The following DGLUCY variants were observed in gnomAD, a reference collection of about 807,000 sequenced individuals.
DGLUCY encodes D-glutamate cyclase.
Under a neutral mutation model 58.5 loss-of-function variants are expected in DGLUCY, and 58 were observed. That is an observed-to-expected ratio of 0.99 (90% CI 0.80 to 1.23). The LOEUF is 1.23. Among genes scored for constraint, DGLUCY ranks in the 50% most tolerant of loss-of-function variants. The probability of loss-of-function intolerance (pLI) is 0.00; values close to 1 mark genes in which losing one functional copy is unlikely to be tolerated. For missense variants in DGLUCY, 779 were observed against 784.7 expected (o/e 0.99, Z 0.09); for synonymous variants, 325 against 314.1 (o/e 1.03, Z -0.37).
intron 1 of DGLUCY, among the ~76,000 whole-genome samples, chr14:91,102,631 G>A (rs2044507118): frequency 6.6e-6 from 1 of 152,102 alleles, no homozygotes; most frequent in African/African-American, 2.4e-5. Context: ...GGGTAAAATA[G>A]GGGCTCACAG....
intron 12 of DGLUCY, among the ~76,000 whole-genome samples, chr14:91,207,051 G>T (rs536158703): frequency 4.0e-5 from 6 of 150,390 alleles, no homozygotes; most frequent in South Asian, 2.1e-4. Context: ...CTGGCTACGT[G>T]GGGGGGCTGA....
At position 91,157,119 on chromosome 14, in the gene DGLUCY, G is replaced by GCGGA. The variant is rs1393896750; in HGVS notation, c.-81-520_-81-519insCGGA. Among the ~76,000 whole-genome samples the GCGGA allele has an allele frequency of 6.1e-5, 8 of 131,164 alleles. No individual in the cohort carries two copies. In the South Asian group the frequency reaches 2.1e-3, roughly 35 times the overall value. The allele number at this position is 131,164 out of a possible 152,430, so 86.0% of individuals were successfully genotyped here. ...AATGGGTGGATGGATGGATGGATGG[G>GCGGA]TGGATGGATGGATGGATGGATGGAT... On this transcript the variant is annotated intron_variant, in intron 1 of 13. Coordinates refer to ENST00000256324, the MANE Select transcript of DGLUCY (RefSeq NM_001102368.3).
intron 1 of DGLUCY, chr14:91,126,411 T>C (rs2045685600): frequency 4.9e-6 from 1 of 203,492 alleles, no homozygotes; most frequent in Non-Finnish European, 1.1e-5. Flanking sequence ...TGCCTTCTTA[T>C]AATTACATGT....
intron 8 of DGLUCY, among the ~76,000 whole-genome samples, chr14:91,184,356 C>T (rs1426857170): frequency 6.6e-6 from 1 of 151,278 alleles, no homozygotes; most frequent in Non-Finnish European, 1.5e-5. Context: ...CCAGCCTGGC[C>T]AATGTAGAGA....
chr14:91,085,742 T>C (rs1029736284), intron 1 of DGLUCY, among the ~76,000 whole-genome samples: 2 of 152,044 alleles, frequency 1.3e-5, no homozygotes, highest in African/African-American at 2.4e-5. Context: ...GCTAATTTTG[T>C]ATTTTTAGTA....
At chr14:91,131,474 T>G (rs1299432704) in intron 1 of DGLUCY, among the ~76,000 whole-genome samples, 26 of 152,166 alleles carry the variant, frequency 1.7e-4, no homozygotes, top group Non-Finnish European at 4.4e-5. Flanking sequence ...AACGTCTTTT[T>G]TTTTTCTTAT....
intron 8 of DGLUCY, among the ~76,000 whole-genome samples, chr14:91,183,435 G>A (rs1469091405): frequency 1.3e-5 from 2 of 152,210 alleles, no homozygotes; most frequent in South Asian, 2.1e-4. Flanking sequence ...ATTGTGTGTG[G>A]TAAATCCCTT....
chr14:91,161,427 C>T (rs1214373782), intron 3 of DGLUCY, among the ~76,000 whole-genome samples: 4 of 152,178 alleles, frequency 2.6e-5, no homozygotes, highest in African/African-American at 9.7e-5. Flanking sequence ...ATTCTGCAAT[C>T]AAGGTTGGTC....
At chr14:91,143,529 C>G (rs1279229247) in intron 1 of DGLUCY, among the ~76,000 whole-genome samples, 1 of 152,176 alleles carries the variant, frequency 6.6e-6, no homozygotes, top group Non-Finnish European at 1.5e-5. Flanking sequence ...GGCCTGGTCT[C>G]CAACCGTTTC....
At chr14:91,066,653 T>C (rs961923408) in intron 1 of DGLUCY, among the ~76,000 whole-genome samples, 2 of 152,072 alleles carry the variant, frequency 1.3e-5, no homozygotes, top group African/African-American at 4.8e-5. Flanking sequence ...GAAAAACCAC[T>C]ATCACTTGCC....
At chr14:91,067,949 A>T (rs1401262982) in intron 1 of DGLUCY, among the ~76,000 whole-genome samples, 1 of 152,142 alleles carries the variant, frequency 6.6e-6, no homozygotes, top group Non-Finnish European at 1.5e-5. Flanking sequence ...AAAGACCAAC[A>T]CAGTTAGGGG....
intron 13 of DGLUCY, among the ~76,000 whole-genome samples, chr14:91,219,791 T>A (rs1269881121): frequency 6.6e-6 from 1 of 152,206 alleles, no homozygotes; most frequent in Non-Finnish European, 1.5e-5. Context: ...GATGACACTT[T>A]ACAGGGGTAC....
intron 1 of DGLUCY, among the ~76,000 whole-genome samples, chr14:91,132,639 C>T (rs1169268265): frequency 2.6e-5 from 4 of 152,140 alleles, no homozygotes; most frequent in South Asian, 4.1e-4. Flanking sequence ...CCACTGCGCC[C>T]GGCTAATTTT....
chr14:91,220,454 C>A (rs372087305), intron 13 of DGLUCY: 1 of 455,776 alleles, frequency 2.2e-6, no homozygotes, highest in Admixed American at 2.3e-5. Flanking sequence ...CAGGCTGGGG[C>A]AGGTGTCAGG....
In DGLUCY at chr14:91,168,267, A is replaced by AAT. The variant is rs575229983; in HGVS notation, c.257+901_257+902dup. On this transcript the variant is annotated intron_variant, in intron 4 of 13. Coordinates refer to ENST00000256324, the MANE Select transcript of DGLUCY (RefSeq NM_001102368.3). Reference sequence around the variant, plus strand: ...GGCAACAGGGCAAGACCCTGTCTAAAATATATATATATAAAATAAAATAAA... The same window carrying AAT: ...GGCAACAGGGCAAGACCCTGTCTAAAATATATATATATATAAAATAAAATAAA... Among the ~76,000 whole-genome samples, 362 of 151,754 alleles carry AAT rather than the reference A, an allele frequency of 2.4e-3. 1 individual carries two copies. Among genetic ancestry groups the AAT allele is most frequent in the African/African-American group, 8.1e-3 (334 of 41,388 alleles).
intron 4 of DGLUCY, among the ~76,000 whole-genome samples, chr14:91,169,141 G>A (rs2048434540): frequency 6.6e-6 from 1 of 152,030 alleles, no homozygotes; most frequent in Admixed American, 6.6e-5. Flanking sequence ...GACTGGGACA[G>A]TGTCCTCTCC....
At chr14:91,115,127 T>G (rs773238501) in intron 1 of DGLUCY, 1 of 152,582 alleles carries the variant, frequency 6.6e-6, no homozygotes, top group Non-Finnish European at 1.5e-5. Context: ...ATTATCCCAG[T>G]GCTGGAGGAG....
intron 9 of DGLUCY, among the ~76,000 whole-genome samples, chr14:91,193,722 G>A (rs1394135635): frequency 2.6e-5 from 4 of 151,926 alleles, no homozygotes; most frequent in African/African-American, 9.7e-5. Flanking sequence ...CGCGCCTGTA[G>A]TCCTAGCTAC....
Position 91,181,170 on chromosome 14 carries a change from C to G in DGLUCY, c.731-16C>G, listed in dbSNP as rs1181093775. On this transcript the variant is annotated splice_polypyrimidine_tract_variant and intron_variant, in intron 7 of 13. Coordinates refer to ENST00000256324, the MANE Select transcript of DGLUCY (RefSeq NM_001102368.3). ...ATGAAGTGGCTGGGCTCAGACCCTC[C>G]TGCTGTGTGTTTTAGAGACCCCACT... 6.2e-7 allele frequency: 1 copy of G among 1,613,254 alleles called. No individual in the cohort carries two copies. Among genetic ancestry groups the G allele is most frequent in the Non-Finnish European group, 8.5e-7 (1 of 1,179,452 alleles).
Sources: gnomAD v4.1 joint callset for allele counts (sites outside exome capture counted in the v4.1 genomes callset) on GRCh38, gnomAD v4.1.1 for gene constraint, MANE v1.5 for transcripts, NCBI Gene and HGNC (gene_info 2026-07-23, HGNC 2026-07-21) for gene names.